ATF7IP2: variants seen among roughly 807,000 people sequenced by gnomAD.
ATF7IP2 encodes activating transcription factor 7-interacting protein 2.
ATF7IP2 carries 42 observed loss-of-function variants against 64.2 expected under a neutral mutation model. That is an observed-to-expected ratio of 0.65 (90% CI 0.51 to 0.85). ATF7IP2 has a LOEUF of 0.85. ATF7IP2 is among the 40% of genes least tolerant of loss of function. The pLI is 0.00. For missense variants in ATF7IP2, 933 were observed against 784.2 expected, an observed-to-expected ratio of 1.19 and a Z score of -2.27; for synonymous variants, 308 against 272.8, an observed-to-expected ratio of 1.13 and a Z score of -1.27.
intron 8 of ATF7IP2, among the ~76,000 whole-genome samples, chr16:10,444,590 C>T (rs73497862): frequency 0.015 from 2,357 of 152,136 alleles, 64 homozygotes; most frequent in African/African-American, 0.053. Context: ...AGACCAAGTA[C>T]GTAATGTCTT....
intron 4 of ATF7IP2, among the ~76,000 whole-genome samples, chr16:10,429,328 T>A (rs2048165567): frequency 6.6e-6 from 1 of 152,192 alleles, no homozygotes; most frequent in African/African-American, 2.4e-5. Context: ...TTTTTTGGAT[T>A]TATTTAGTAT....
chr16:10,438,129 A>G lies in ATF7IP2; in HGVS notation c.989A>G (p.Tyr330Cys), dbSNP rs765758024. 2.9e-5 allele frequency: 46 copies of G among 1,590,806 alleles called. No homozygotes were observed. The highest frequency in any genetic ancestry group is 2.8e-4 in the East Asian group (12 of 42,656). ...QVRHLIQQEI[Y>C]SINYELFDKK... ...AGACATTTGATTCAGCAGGAGATCT[A>G]TAGCATAAATTATGAACTATTTGAT... Residue 330 changes from tyrosine (Y) to cysteine (C), a missense_variant, in exon 7 of 14, where the codon TAT (tyrosine) becomes TGT (cysteine). Tyr to Cys is a radical substitution (Grantham distance 194). Coordinates refer to ENST00000562102, the MANE Select transcript of ATF7IP2 (RefSeq NM_001393719.1).
intron 2 of ATF7IP2, among the ~76,000 whole-genome samples, chr16:10,418,542 C>G (rs973645175): frequency 6.6e-6 from 1 of 152,194 alleles, no homozygotes; most frequent in Non-Finnish European, 1.5e-5. Context: ...ATTAAAAGTG[C>G]AATCATCATT....
chr16:10,462,338 A>T (rs1479465295), intron 9 of ATF7IP2, among the ~76,000 whole-genome samples: 1 of 149,828 alleles, frequency 6.7e-6, no homozygotes, highest in Admixed American at 6.7e-5. Flanking sequence ...ATCTGGGCTC[A>T]TTTTTTTTTC....
chr16:10,436,011 A>T (rs1419395624), intron 6 of ATF7IP2, among the ~76,000 whole-genome samples: 1 of 152,322 alleles, frequency 6.6e-6, no homozygotes, highest in East Asian at 1.9e-4. Context: ...GTGAACTAAC[A>T]AACATGTGAT....
At chr16:10,406,947 A>G (rs2047652670) in intron 1 of ATF7IP2, among the ~76,000 whole-genome samples, 1 of 152,202 alleles carries the variant, frequency 6.6e-6, no homozygotes, top group African/African-American at 2.4e-5. Context: ...AGACACATAA[A>G]AATAAATAAA....
chr16:10,405,302 G>A (rs188748995), intron 1 of ATF7IP2, among the ~76,000 whole-genome samples: 203 of 151,768 alleles, frequency 1.3e-3, no homozygotes, highest in African/African-American at 4.5e-3. Flanking sequence ...CCCAGGAGGC[G>A]GAGGTTGCAG....
intron 2 of ATF7IP2, among the ~76,000 whole-genome samples, chr16:10,415,723 A>G (rs1450326562): frequency 1.3e-5 from 2 of 152,262 alleles, no homozygotes; most frequent in Admixed American, 6.5e-5. Context: ...CATGGCATTA[A>G]TAACCAGAAT....
chr16:10,472,666 G>A (rs1254401139), intron 10 of ATF7IP2, among the ~76,000 whole-genome samples: 1 of 151,958 alleles, frequency 6.6e-6, no homozygotes, highest in Non-Finnish European at 1.5e-5. Context: ...GACCAGCCTG[G>A]CCAACAAAAT....
rs145791010 is a variant in ATF7IP2 at position 10,454,566 on chromosome 16, TTTTC to T, written c.1195-2802_1195-2799del. 5.5e-3 allele frequency among the ~76,000 whole-genome samples: 830 copies of T among 152,220 alleles called. 5 individuals are homozygous for T. The highest frequency in any genetic ancestry group is 0.018 in the African/African-American group (768 of 41,568). On this transcript the variant is annotated intron_variant, in intron 8 of 13. Transcript: ENST00000562102. ...CAGATTTTGTTATTTCTATCATTTG[TTTTC>T]TTTATTTTGATTCCTGTTTTTCTTT...
intron 5 of ATF7IP2, 42 bp from the exon 6 acceptor site, chr16:10,433,483 T>G (rs2048322657): frequency 1.9e-6 from 3 of 1,579,400 alleles, no homozygotes; most frequent in Non-Finnish European, 2.6e-6. Flanking sequence ...CCTGTTTTTT[T>G]CTTTAAAATA....
intron 10 of ATF7IP2, among the ~76,000 whole-genome samples, chr16:10,473,101 T>G (rs1297114137): frequency 6.6e-6 from 1 of 152,196 alleles, no homozygotes; most frequent in Non-Finnish European, 1.5e-5. Flanking sequence ...TGTTAATCAT[T>G]TATCTTAGGC....
At position 10,482,977 on chromosome 16, in the gene ATF7IP2, G is replaced by A. The variant is rs1007044341; in HGVS notation, c.*728G>A. ...GATCCACCCGCCTCGGCCTCCCGAA[G>A]TGCTGGGATTATAGGCGTAAGCCAC... On this transcript the variant is annotated 3_prime_UTR_variant, in exon 14 of 14. Transcript: ENST00000562102. 1.3e-5 allele frequency: 2 copies of A among 152,248 alleles called. No individual in the cohort carries two copies. Among genetic ancestry groups the A allele is most frequent in the Non-Finnish European group, 2.9e-5 (2 of 68,064 alleles). The allele number at this position is 152,248 out of a possible 1,614,324, so 9.4% of individuals were successfully genotyped here.
At chr16:10,438,474 A>G (rs140596046) in intron 7 of ATF7IP2, among the ~76,000 whole-genome samples, 1 of 151,692 alleles carries the variant, frequency 6.6e-6, no homozygotes, top group Non-Finnish European at 1.5e-5. Flanking sequence ...GCTTCCCTCA[A>G]ACTCCTGAGC....
intron 3 of ATF7IP2, among the ~76,000 whole-genome samples, chr16:10,422,736 C>T (rs545693333): frequency 6.6e-6 from 1 of 152,218 alleles, no homozygotes; most frequent in African/African-American, 2.4e-5. Context: ...AATTTGATTC[C>T]CCCAATAAGC....
intron 3 of ATF7IP2, among the ~76,000 whole-genome samples, chr16:10,421,985 G>C (rs1172965480): frequency 1.3e-5 from 2 of 152,220 alleles, no homozygotes; most frequent in Non-Finnish European, 2.9e-5. Flanking sequence ...ATCATAGCAG[G>C]AGAAGGCAGT....
At chr16:10,391,401 CAA>C (rs1372025360) in intron 1 of ATF7IP2, among the ~76,000 whole-genome samples, 1 of 151,992 alleles carries the variant, frequency 6.6e-6, no homozygotes, top group Non-Finnish European at 1.5e-5. Flanking sequence ...GCCTGGGCAA[CAA>C]GAGTGAAACT....
At chr16:10,408,623 A>G (rs2047690222) in intron 1 of ATF7IP2, among the ~76,000 whole-genome samples, 1 of 152,118 alleles carries the variant, frequency 6.6e-6, no homozygotes, top group Non-Finnish European at 1.5e-5. Flanking sequence ...TTTGTTGGCC[A>G]TTGGTATATC....
chr16:10,422,492 A>G (rs776714302), intron 3 of ATF7IP2, among the ~76,000 whole-genome samples: 3 of 152,198 alleles, frequency 2.0e-5, no homozygotes, highest in Non-Finnish European at 4.4e-5. Flanking sequence ...AGAAGTTACA[A>G]TTGGTTGAAT....
Sources: gnomAD v4.1 joint callset for allele counts (sites outside exome capture counted in the v4.1 genomes callset) on GRCh38, gnomAD v4.1.1 for gene constraint, MANE v1.5 for transcripts, NCBI Gene and HGNC (gene_info 2026-07-23, HGNC 2026-07-21) for gene names.